The following ANKRD23 variants were observed in gnomAD, a reference collection of about 807,000 sequenced individuals.
ANKRD23 encodes the protein ankyrin repeat domain 23.
ANKRD23 carries 52 observed loss-of-function variants against 38.1 expected under a neutral mutation model. The observed-to-expected ratio is 1.36, with a 90% CI of 1.09 to 1.72. ANKRD23 has a LOEUF of 1.72. ANKRD23 is among the 40% of genes most tolerant of loss of function. The pLI, the probability that ANKRD23 is intolerant of heterozygous loss-of-function variation, is 0.00. For synonymous variants in ANKRD23, 167 were observed against 162.9 expected (o/e 1.03, Z -0.19); for missense variants, 416 against 400.2 (o/e 1.04, Z -0.34).
intron 3 of ANKRD23, among the ~76,000 whole-genome samples, chr2:96,841,558 C>A (rs2079760969): frequency 7.0e-6 from 1 of 143,286 alleles, no homozygotes; most frequent in South Asian, 2.2e-4. Flanking sequence ...GAGATCGTGC[C>A]ACTGCTCTCC....
chr2:96,839,966 C>T (rs747435796), intron 7 of ANKRD23, 31 bp downstream of exon 7: 2 of 1,551,332 alleles, frequency 1.3e-6, no homozygotes, highest in East Asian at 4.9e-5. Context: ...TGGAGCTGTC[C>T]GAGCCGGAAA....
intron 1 of ANKRD23, 124 bp from the exon 2 acceptor site, chr2:96,842,635 G>C: frequency 8.1e-7 from 1 of 1,237,376 alleles, no homozygotes; most frequent in African/African-American, 1.5e-5. Flanking sequence ...CCCGGGATGG[G>C]AGCCGGCCTC....
chr2:96,843,667 A>G (rs533838973), intron 1 of ANKRD23, among the ~76,000 whole-genome samples: 5 of 152,240 alleles, frequency 3.3e-5, no homozygotes, highest in African/African-American at 1.2e-4. Flanking sequence ...ATGAGAACCG[A>G]GCAGACACAC....
intron 2 of ANKRD23, 52 bp downstream of exon 2, chr2:96,842,313 G>A (rs377763483): frequency 2.3e-4 from 367 of 1,604,116 alleles, no homozygotes; most frequent in Middle Eastern, 1.3e-3. Flanking sequence ...CTGCTCAGCC[G>A]GCCTCAGGGA....
At chr2:96,842,318 C>G in intron 2 of ANKRD23, 47 bp downstream of exon 2, 13 of 1,605,242 alleles carry the variant, frequency 8.1e-6, no homozygotes, top group Non-Finnish European at 1.0e-5. Flanking sequence ...CAGCCGGCCT[C>G]AGGGATTAGC....
chr2:96,843,782 C>G (rs1382786396), intron 1 of ANKRD23, among the ~76,000 whole-genome samples, 184 bp downstream of exon 1: 2 of 152,116 alleles, frequency 1.3e-5, no homozygotes, highest in Non-Finnish European at 2.9e-5. Context: ...ACTTCAAGGC[C>G]AGGCTGGGCA....
At position 96,840,894 on chromosome 2, in the gene ANKRD23, C is replaced by T. The variant is rs1236597640; in HGVS notation, c.319G>A (p.Val107Met). The T allele has an allele frequency of 1.2e-6, 2 of 1,614,054 alleles. No individual in the cohort carries two copies. Among genetic ancestry groups the T allele is most frequent in the African/African-American group, 1.3e-5 (1 of 74,932 alleles). Residue 107 changes from valine (V) to methionine (M), a missense_variant, in exon 4 of 9, where the codon GTG becomes ATG. Val to Met is a conservative substitution (Grantham distance 21). Transcript: ENST00000318357. The part of the protein sequence containing the change: ...PLVKPQSQAQ[V>M]EPVGLEMFLK... ...AACATCTCCAGGCCCACAGGCTCCA[C>T]CTGGGCCTGGGACTGCGGCTGGTTC...
chr2:96,840,317 GGT>G lies in ANKRD23; in HGVS notation c.537_538del (p.Pro180CysfsTer18). 1.9e-6 allele frequency: 3 copies of G among 1,607,778 alleles called. No individual in the cohort carries two copies. The highest frequency in any genetic ancestry group is 2.5e-6 in the Non-Finnish European group (3 of 1,176,700). The stretch of plus-strand genomic sequence containing the variant: ...TCCTCCGCGGCAGGCCCAGAACACA[GGT>G]GTCCTGTCCAGCTGCAAAACAAAAG... On this transcript the variant is annotated frameshift_variant, in exon 6 of 9. Transcript: ENST00000318357. LOFTEE classifies it high-confidence loss of function.
Position 96,839,369 on chromosome 2 carries a change from C to G in ANKRD23, c.*180G>C, listed in dbSNP as rs2079730731. The G allele has an allele frequency of 1.6e-6, 2 of 1,256,786 alleles. No individual in the cohort carries two copies. The highest frequency in any genetic ancestry group is 1.5e-5 in the African/African-American group (1 of 64,596). 77.9% of individuals were successfully genotyped at this position (1,256,786 alleles called of 1,614,324 possible). Reference sequence around the variant, plus strand: ...CTGACACTCGAAGCCAGGGAGGCCTCTCTCTTTGCCTGCTGGGCCCGGTGC... The same window carrying G: ...CTGACACTCGAAGCCAGGGAGGCCTGTCTCTTTGCCTGCTGGGCCCGGTGC... On this transcript the variant is annotated 3_prime_UTR_variant, in exon 9 of 9. Coordinates refer to ENST00000318357, the MANE Select transcript of ANKRD23 (RefSeq NM_144994.8).
chr2:96,840,895 C>G lies in ANKRD23; in HGVS notation c.318G>C (p.Gln106His). Reference protein sequence around the residue: ...EPLVKPQSQAQVEPVGLEMFL... With the variant: ...EPLVKPQSQAHVEPVGLEMFL... ...ACATCTCCAGGCCCACAGGCTCCAC[C>G]TGGGCCTGGGACTGCGGCTGGTTCA... The change falls in exon 4 of 9, where the codon CAG (glutamine) becomes CAC (histidine). Residue 106 changes from glutamine (Q) to histidine (H), a missense_variant. Transcript: ENST00000318357. The G allele has an allele frequency of 6.2e-7, 1 of 1,614,184 alleles. No individual in the cohort carries two copies. Among genetic ancestry groups the G allele is most frequent in the Non-Finnish European group, 8.5e-7 (1 of 1,180,022 alleles).
chr2:96,843,210 C>A (rs1286977924), intron 1 of ANKRD23, among the ~76,000 whole-genome samples: 1 of 152,162 alleles, frequency 6.6e-6, no homozygotes, highest in Non-Finnish European at 1.5e-5. Context: ...CTAGGACTTT[C>A]TAGTCAGGTA....
At chr2:96,843,903 T>C in intron 1 of ANKRD23, 63 bp downstream of exon 1, 1 of 1,553,888 alleles carries the variant, frequency 6.4e-7, no homozygotes, top group Admixed American at 1.9e-5. Context: ...CAGCCCTCTC[T>C]AGCCAGCCTC....
At chr2:96,841,421 C>T (rs1230528703) in intron 3 of ANKRD23, among the ~76,000 whole-genome samples, 2 of 151,684 alleles carry the variant, frequency 1.3e-5, no homozygotes, top group African/African-American at 4.8e-5. Flanking sequence ...ACGGTGAAAC[C>T]CCATCTCTAC....
Position 96,838,440 on chromosome 2 carries a change from C to T in ANKRD23, c.*1109G>A. ...AGAGGAAGTCTAGGGAGCTTGGGTC[C>T]TTAGACCACCAGGGAGCAGGGAAGG... On this transcript the variant is annotated 3_prime_UTR_variant, in exon 9 of 9. Transcript: ENST00000318357. The T allele has an allele frequency of 1.0e-6, 1 of 988,112 alleles. No individual in the cohort carries two copies. Among genetic ancestry groups the T allele is most frequent in the Non-Finnish European group, 1.2e-6 (1 of 830,256 alleles). The allele number at this position is 988,112 out of a possible 1,614,324, so 61.2% of individuals were successfully genotyped here. A position where few individuals can be genotyped will look rare whatever the true frequency, so the allele number is the denominator to read the frequency against.
rs1291842477 is a variant in ANKRD23, at chr2:96,840,281, A to T, written c.575T>A (p.Ile192Asn). 1.2e-6 allele frequency: 2 copies of T among 1,611,258 alleles called. No individual in the cohort carries two copies. The change falls in exon 6 of 9, where the codon ATC (isoleucine) becomes AAC (asparagine). Residue 192 changes from isoleucine (I) to asparagine (N), a missense_variant. Transcript: ENST00000318357. ...FWACRGGHLV[I>N]LKQLLNQGAR... is the part of the protein sequence containing the mutation. ...TCCCTGGTTAAGCAGCTGTTTGAGG[A>T]TGACCAGATGTCCTCCGCGGCAGGC... is the stretch of plus-strand genomic sequence containing the variant.
In ANKRD23 at chr2:96,838,209, C is replaced by T. The variant is rs2153358213; in HGVS notation, c.*1340G>A. ...AAGGTAGACGAAAAGGAACCATGGC[C>T]AAATGCCTATCAATCAGCCCGGTAC... On this transcript the variant is annotated 3_prime_UTR_variant, in exon 9 of 9. Coordinates refer to ENST00000318357, the MANE Select transcript of ANKRD23 (RefSeq NM_144994.8). The T allele has an allele frequency of 2.5e-6, 1 of 405,532 alleles. No individual in the cohort carries two copies. The highest frequency in any genetic ancestry group is 1.6e-4 in the East Asian group (1 of 6,204). The allele number at this position is 405,532 out of a possible 1,614,324, so 25.1% of individuals were successfully genotyped here.
chr2:96,840,719 T>C (rs750766170), intron 4 of ANKRD23, 68 bp downstream of exon 4: 6 of 1,603,460 alleles, frequency 3.7e-6, no homozygotes, highest in Non-Finnish European at 5.1e-6. Flanking sequence ...GGCCAGGACT[T>C]GAACACACTG....
At chr2:96,843,567 C>G (rs1048059229) in intron 1 of ANKRD23, among the ~76,000 whole-genome samples, 2 of 152,212 alleles carry the variant, frequency 1.3e-5, no homozygotes, top group African/African-American at 4.8e-5. Flanking sequence ...CATCACTATC[C>G]AGGGCAAAAC....
Position 96,838,428 on chromosome 2 carries a change from G to A in ANKRD23, c.*1121C>T. On this transcript the variant is annotated 3_prime_UTR_variant, in exon 9 of 9. Coordinates refer to ENST00000318357, the MANE Select transcript of ANKRD23 (RefSeq NM_144994.8). ...ACAGACGGTGGAAGAGGAAGTCTAG[G>A]GAGCTTGGGTCCTTAGACCACCAGG... The A allele has an allele frequency of 1.0e-6, 1 of 988,174 alleles. No individual in the cohort carries two copies. Among genetic ancestry groups the A allele is most frequent in the South Asian group, 4.7e-5 (1 of 21,380 alleles). The allele number at this position is 988,174 out of a possible 1,614,324, so 61.2% of individuals were successfully genotyped here.
Sources: allele counts gnomAD v4.1 joint callset (sites outside exome capture counted in the v4.1 genomes callset), GRCh38; gene constraint gnomAD v4.1.1; transcripts MANE v1.5; gene names NCBI Gene and HGNC (gene_info 2026-07-23, HGNC 2026-07-21).